Variants in RUNX1 observed in about 807,000 individuals in gnomAD.
The protein encoded by RUNX1 is RUNX family transcription factor 1.
RUNX1 carries 19 observed loss-of-function variants against 42.8 expected under a neutral mutation model. That is an observed-to-expected ratio of 0.44 (90% CI 0.31 to 0.65). The LOEUF is 0.65. RUNX1 is among the 30% of genes least tolerant of loss of function. The pLI is 0.07. For missense variants in RUNX1, 528 were observed against 672.0 expected, an observed-to-expected ratio of 0.79 and a Z score of 2.37; for synonymous variants, 271 against 289.4, an observed-to-expected ratio of 0.94 and a Z score of 0.64.
At chr21:34,899,311 A>T (rs1432096613) in intron 2 of RUNX1, among the ~76,000 whole-genome samples, 2 of 152,108 alleles carry the variant, frequency 1.3e-5, no homozygotes, top group Non-Finnish European at 2.9e-5. Context: ...TATGAGTAGG[A>T]TATGTGGGAG....
chr21:34,789,182 T>C lies in RUNX1; in HGVS notation c.*2953A>G, dbSNP rs2056405521. ...GAAAGGCTGACAAACCATGTTCCTTTATGTGAAGGGGGAAGAACTGGACCT... is the reference window on the plus strand; with the variant it reads ...GAAAGGCTGACAAACCATGTTCCTTCATGTGAAGGGGGAAGAACTGGACCT... On this transcript the variant is annotated 3_prime_UTR_variant, in exon 9 of 9. Transcript: ENST00000675419. 1 of 233,226 alleles carries C rather than the reference T, an allele frequency of 4.3e-6. No individual in the cohort carries two copies. 14.4% of individuals were successfully genotyped at this position (233,226 alleles called of 1,614,324 possible). A position where few individuals can be genotyped will look rare whatever the true frequency, so the allele number is the denominator to read the frequency against.
In RUNX1 at chr21:34,834,619, G is replaced by A. The variant is rs1261174356; in HGVS notation, c.614-18C>T. On this transcript the variant is annotated intron_variant, in intron 6 of 8. Transcript: ENST00000675419. ...CCGATGTCCTATTGTGGGGAGCAGG[G>A]AGGGGAGGGGATGGGGGGAGGGAAG... The A allele has an allele frequency of 1.9e-6, 3 of 1,557,154 alleles. No individual in the cohort carries two copies. The highest frequency in any genetic ancestry group is 2.7e-5 in the African/African-American group (2 of 73,610).
intron 7 of RUNX1, among the ~76,000 whole-genome samples, chr21:34,805,469 T>C (rs890548174): frequency 1.2e-4 from 18 of 152,032 alleles, no homozygotes; most frequent in Admixed American, 2.6e-4. Context: ...TGAAAGAAGC[T>C]AGAGAGGGGG....
At chr21:35,041,466 T>A (rs953330665) in intron 2 of RUNX1, among the ~76,000 whole-genome samples, 2 of 151,866 alleles carry the variant, frequency 1.3e-5, no homozygotes, top group African/African-American at 2.4e-5. Flanking sequence ...AAGAAGTCCA[T>A]CAAAAAATGG....
intron 8 of RUNX1, among the ~76,000 whole-genome samples, chr21:34,798,576 C>T (rs1254636175): frequency 1.3e-5 from 2 of 152,028 alleles, no homozygotes; most frequent in African/African-American, 4.8e-5. Flanking sequence ...GGTTCTGCAC[C>T]TGTTTAACCA....
At position 34,985,797 on chromosome 21, in the gene RUNX1, G is replaced by A. The variant is rs181604036; in HGVS notation, c.58+63045C>T. The stretch of plus-strand genomic sequence containing the variant: ...TGCCACCAACATTTCCTTCTCCAAC[G>A]ATGTGGTATGCGGTGTAACAAATGG... On this transcript the variant is annotated intron_variant, in intron 2 of 8. Coordinates refer to ENST00000675419, the MANE Select transcript of RUNX1 (RefSeq NM_001754.5). Among the ~76,000 whole-genome samples the A allele has an allele frequency of 1.1e-4, 17 of 150,958 alleles. No individual in the cohort carries two copies. In the East Asian group the frequency reaches 3.3e-3, roughly 29 times the overall value.
At position 34,979,009 on chromosome 21, in the gene RUNX1, G is replaced by A. The variant is rs544307657; in HGVS notation, c.58+69833C>T. The stretch of plus-strand genomic sequence containing the variant: ...TCTTTGTCCATCCTGGGCCAGGTAG[G>A]TTCTTATGAGACAGACCATTATCCC... On this transcript the variant is annotated intron_variant, in intron 2 of 8. Coordinates refer to ENST00000675419, the MANE Select transcript of RUNX1 (RefSeq NM_001754.5). Among the ~76,000 whole-genome samples, 70 of 147,480 alleles carry A rather than the reference G, an allele frequency of 4.7e-4. 1 individual carries two copies. The highest frequency in any genetic ancestry group is 1.7e-3 in the African/African-American group (67 of 39,690).
chr21:34,865,465 T>C (rs2057648020), intron 5 of RUNX1, among the ~76,000 whole-genome samples: 1 of 152,206 alleles, frequency 6.6e-6, no homozygotes, highest in Non-Finnish European at 1.5e-5. Context: ...GCCAGGCCAG[T>C]GCTCCTCACT....
chr21:34,887,899 C>G (rs1013901241), intron 3 of RUNX1: 7 of 1,065,134 alleles, frequency 6.6e-6, no homozygotes, highest in Non-Finnish European at 8.0e-6. Context: ...TCAAAACGCT[C>G]AGTGCAGAAA....
At chr21:34,859,430 G>T in intron 6 of RUNX1, 44 bp downstream of exon 6, 2 of 1,330,418 alleles carry the variant, frequency 1.5e-6, no homozygotes, top group Non-Finnish European at 2.2e-6. Flanking sequence ...CCTGGAGGGT[G>T]TACCAGCCTG....
chr21:34,935,518 A>C (rs964465221), intron 2 of RUNX1, among the ~76,000 whole-genome samples: 15 of 152,190 alleles, frequency 9.9e-5, no homozygotes, highest in Non-Finnish European at 1.9e-4. Flanking sequence ...TATTGTGGTA[A>C]GAATATGATT....
At chr21:34,808,758 T>C (rs1343836785) in intron 7 of RUNX1, among the ~76,000 whole-genome samples, 1 of 152,184 alleles carries the variant, frequency 6.6e-6, no homozygotes, top group East Asian at 1.9e-4. Context: ...ACGAGGCTGC[T>C]ACCCTCAGCC....
chr21:34,996,386 G>A (rs1328789940), intron 2 of RUNX1, among the ~76,000 whole-genome samples: 1 of 152,104 alleles, frequency 6.6e-6, no homozygotes, highest in African/African-American at 2.4e-5. Flanking sequence ...TCAGAGGCTG[G>A]GAACTGGGGG....
chr21:34,974,202 C>A (rs1569132879), intron 2 of RUNX1, among the ~76,000 whole-genome samples: 1 of 152,096 alleles, frequency 6.6e-6, no homozygotes, highest in Non-Finnish European at 1.5e-5. Context: ...AATCATCACA[C>A]GAGCAAGACT....
At chr21:35,026,146 A>T (rs116166386) in intron 2 of RUNX1, among the ~76,000 whole-genome samples, 1,663 of 152,324 alleles carry the variant, frequency 0.011, 30 homozygotes, top group African/African-American at 0.038. Context: ...TTTAATGCTC[A>T]GAGAAGTTCG....
chr21:35,043,991 T>A (rs1373993803), intron 2 of RUNX1, among the ~76,000 whole-genome samples: 1 of 152,236 alleles, frequency 6.6e-6, no homozygotes, highest in African/African-American at 2.4e-5. Flanking sequence ...AAGAGACATC[T>A]CTGTTGTCCT....
chr21:34,969,707 C>G (rs2058747340), intron 2 of RUNX1, among the ~76,000 whole-genome samples: 1 of 149,788 alleles, frequency 6.7e-6, no homozygotes, highest in Admixed American at 6.6e-5. Context: ...CAGCAAAATT[C>G]ATAAATGACT....
intron 4 of RUNX1, among the ~76,000 whole-genome samples, chr21:34,885,927 A>T (rs1303618102): frequency 6.6e-6 from 1 of 152,192 alleles, no homozygotes; most frequent in Admixed American, 6.5e-5. Context: ...CTAGTGTAGT[A>T]GGGTGATTGT....
chr21:35,027,577 T>G (rs1052819511), intron 2 of RUNX1, among the ~76,000 whole-genome samples: 1 of 152,324 alleles, frequency 6.6e-6, no homozygotes, highest in African/African-American at 2.4e-5. Context: ...ATGAAATTCC[T>G]TTAGGTTCCA....
Sources: allele counts gnomAD v4.1 joint callset (sites outside exome capture counted in the v4.1 genomes callset), GRCh38; gene constraint gnomAD v4.1.1; transcripts MANE v1.5; gene names NCBI Gene and HGNC (gene_info 2026-07-23, HGNC 2026-07-21).